Variants in EXOC4 observed in about 807,000 individuals in gnomAD.
EXOC4 encodes exocyst complex component 4, also known as SEC8-like 1.
A neutral mutation model predicts 107.2 loss-of-function variants in EXOC4; 71 were observed. The observed-to-expected ratio is 0.66, with a 90% CI of 0.55 to 0.81. The LOEUF (loss-of-function observed/expected upper bound fraction) is 0.81. Ranked by LOEUF, EXOC4 falls within the 30% of genes least tolerant of loss-of-function variation. The pLI is 0.00. For synonymous variants in EXOC4, 456 were observed against 441.2 expected, an observed-to-expected ratio of 1.03 and a Z score of -0.42; for missense variants, 1,108 against 1,189.6, an observed-to-expected ratio of 0.93 and a Z score of 1.01.
intron 15 of EXOC4, among the ~76,000 whole-genome samples, chr7:134,003,877 TC>T (rs964431638): frequency 1.3e-5 from 2 of 152,212 alleles, no homozygotes; most frequent in Admixed American, 1.3e-4. Context: ...ACCTCAGACT[TC>T]CTCAGCAGCT....
chr7:133,522,854 C>G (rs1168475520), intron 9 of EXOC4, among the ~76,000 whole-genome samples: 1 of 152,078 alleles, frequency 6.6e-6, no homozygotes, highest in Non-Finnish European at 1.5e-5. Context: ...AAATGGGAGC[C>G]TACATTCCCA....
At chr7:134,075,842 A>G in the EXOC4 span, among the ~76,000 whole-genome samples, 1 of 152,242 alleles carries the variant, frequency 6.6e-6, no homozygotes, top group Non-Finnish European at 1.5e-5. Flanking sequence ...CACAATGGCC[A>G]GCAATGTTCC....
intron 7 of EXOC4, among the ~76,000 whole-genome samples, chr7:133,465,988 T>C (rs1308472724): frequency 6.6e-6 from 1 of 151,828 alleles, no homozygotes; most frequent in Non-Finnish European, 1.5e-5. Flanking sequence ...ATACAAAAAA[T>C]TAGCTGGGCT....
At chr7:133,662,977 T>C (rs753983294) in intron 10 of EXOC4, among the ~76,000 whole-genome samples, 3 of 152,166 alleles carry the variant, frequency 2.0e-5, no homozygotes, top group Non-Finnish European at 4.4e-5. Context: ...TTCTTTGTTT[T>C]CCCTTTTGCA....
chr7:133,952,366 C>T (rs1052548251), intron 14 of EXOC4, among the ~76,000 whole-genome samples: 1 of 152,162 alleles, frequency 6.6e-6, no homozygotes, highest in Non-Finnish European at 1.5e-5. Flanking sequence ...GCATCCTCCA[C>T]AGGGGTGACA....
intron 3 of EXOC4, among the ~76,000 whole-genome samples, chr7:133,294,314 A>G (rs977658306): frequency 6.6e-6 from 1 of 152,188 alleles, no homozygotes. Flanking sequence ...TCAAACTAAA[A>G]TTGCACAGAT....
intron 11 of EXOC4, among the ~76,000 whole-genome samples, chr7:133,833,064 A>T (rs568790261): frequency 6.7e-6 from 1 of 150,158 alleles, no homozygotes; most frequent in African/African-American, 2.4e-5. Context: ...ATGCACACAC[A>T]TGCACACACA....
At chr7:133,354,330 A>G (rs576123259) in intron 5 of EXOC4, among the ~76,000 whole-genome samples, 1 of 152,030 alleles carries the variant, frequency 6.6e-6, no homozygotes, top group Non-Finnish European at 1.5e-5. Flanking sequence ...TTTGTTTTAT[A>G]AATTATTGTA....
At chr7:133,633,122 G>C (rs1802629176) in intron 10 of EXOC4, among the ~76,000 whole-genome samples, 1 of 152,120 alleles carries the variant, frequency 6.6e-6, no homozygotes, top group East Asian at 1.9e-4. Flanking sequence ...CTCCTCTCTT[G>C]GTAGCTGCAT....
chr7:133,319,726 C>T (rs971903713), intron 5 of EXOC4, among the ~76,000 whole-genome samples: 4 of 152,006 alleles, frequency 2.6e-5, no homozygotes, highest in Admixed American at 1.3e-4. Flanking sequence ...GGTAATTGTC[C>T]GCCTTGGCCT....
chr7:133,855,691 G>T (rs898555479), intron 11 of EXOC4, among the ~76,000 whole-genome samples: 4 of 152,164 alleles, frequency 2.6e-5, no homozygotes, highest in African/African-American at 9.7e-5. Flanking sequence ...TGATAAGAAA[G>T]TAAGCCTTAG....
intron 11 of EXOC4, among the ~76,000 whole-genome samples, chr7:133,843,981 G>C (rs1206299569): frequency 6.6e-6 from 1 of 152,184 alleles, no homozygotes; most frequent in African/African-American, 2.4e-5. Flanking sequence ...ATTTGTGTAT[G>C]TTGAACCAAT....
intron 10 of EXOC4, among the ~76,000 whole-genome samples, chr7:133,637,390 G>T (rs1802738238): frequency 1.3e-5 from 2 of 152,082 alleles, no homozygotes; most frequent in African/African-American, 4.8e-5. Flanking sequence ...TCAGTTTGAT[G>T]TGTACATTGA....
chr7:133,542,070 A>T (rs1163220203), intron 9 of EXOC4, among the ~76,000 whole-genome samples: 1 of 152,000 alleles, frequency 6.6e-6, no homozygotes, highest in African/African-American at 2.4e-5. Context: ...TTTTGAAGCA[A>T]TGTGTGTACA....
At chr7:133,842,929 G>T (rs1301354291) in intron 11 of EXOC4, among the ~76,000 whole-genome samples, 1 of 152,034 alleles carries the variant, frequency 6.6e-6, no homozygotes, top group Non-Finnish European at 1.5e-5. Flanking sequence ...TTTCTTCATT[G>T]CTCATTTTTG....
chr7:133,759,068 C>T (rs1176946858), intron 10 of EXOC4, among the ~76,000 whole-genome samples: 2 of 152,100 alleles, frequency 1.3e-5, no homozygotes, highest in East Asian at 3.9e-4. Context: ...AGGGATTGCT[C>T]CCCATGCCAA....
intron 9 of EXOC4, among the ~76,000 whole-genome samples, chr7:133,512,540 G>A (rs977691080): frequency 6.6e-6 from 1 of 152,112 alleles, no homozygotes; most frequent in African/African-American, 2.4e-5. Flanking sequence ...TGGAGCAGAG[G>A]CAAGAAAGGG....
At chr7:133,574,459 C>T (rs1801086123) in intron 9 of EXOC4, among the ~76,000 whole-genome samples, 1 of 152,174 alleles carries the variant, frequency 6.6e-6, no homozygotes, top group African/African-American at 2.4e-5. Flanking sequence ...TTAATAGACA[C>T]TGAATAAAAC....
intron 11 of EXOC4, among the ~76,000 whole-genome samples, chr7:133,838,132 T>A (rs912876372): frequency 2.0e-5 from 3 of 152,160 alleles, no homozygotes; most frequent in African/African-American, 4.8e-5. Context: ...GAATGGAGTA[T>A]TTAAAAAGGA....
Sources: allele counts gnomAD v4.1 joint callset (sites outside exome capture counted in the v4.1 genomes callset), GRCh38; gene constraint gnomAD v4.1.1; transcripts MANE v1.5; gene names NCBI Gene and HGNC (gene_info 2026-07-23, HGNC 2026-07-21).